The following TMEM63C variants were observed in gnomAD, a reference collection of about 807,000 sequenced individuals.
The protein encoded by TMEM63C is osmosensitive cation channel TMEM63C.
Under a neutral mutation model 99.2 loss-of-function variants are expected in TMEM63C, and 32 were observed. That is an observed-to-expected ratio of 0.32 (90% CI 0.24 to 0.43). TMEM63C has a LOEUF of 0.43. Ranked by LOEUF, TMEM63C falls within the 20% of genes least tolerant of loss-of-function variation. The pLI, the probability that TMEM63C is intolerant of heterozygous loss-of-function variation, is 1.00. For synonymous variants in TMEM63C, 376 were observed against 397.9 expected (o/e 0.94, Z 0.66); for missense variants, 826 against 1,053.0 (o/e 0.78, Z 2.98).
At chr14:77,243,169 G>A in intron 15 of TMEM63C, 113 bp downstream of exon 15, 2 of 1,286,540 alleles carry the variant, frequency 1.6e-6, no homozygotes, top group Non-Finnish European at 2.1e-6. Context: ...CCCATACAGT[G>A]CGAACATTGT....
rs191527362 is a variant in TMEM63C at position 77,253,248 on chromosome 14, G to A, written c.2149-57G>A. 4.2e-4 allele frequency: 647 copies of A among 1,532,054 alleles called. 4 individuals carry two copies. The African/African-American group carries it at 7.8e-3, about 18-fold the overall frequency. 94.9% of individuals were successfully genotyped at this position (1,532,054 alleles called of 1,614,324 possible). On this transcript the variant is annotated intron_variant, in intron 22 of 23. Transcript: ENST00000298351. ...GTGTGGAGTTGAGGCTCCTCTGGAT[G>A]AATGGGGAGGGGCAAAGAGCAGGCC...
intron 1 of TMEM63C, among the ~76,000 whole-genome samples, chr14:77,194,720 G>T (rs1289551174): frequency 6.9e-6 from 1 of 144,090 alleles, no homozygotes; most frequent in Non-Finnish European, 1.5e-5. Flanking sequence ...ACTACAGGCG[G>T]ACACCACCAC....
chr14:77,205,242 C>A (rs925596063), intron 1 of TMEM63C, among the ~76,000 whole-genome samples: 5 of 152,212 alleles, frequency 3.3e-5, no homozygotes, highest in African/African-American at 1.2e-4. Flanking sequence ...ACACCCAGGC[C>A]TTGCTGGCCA....
At chr14:77,242,593 C>T (rs1438578900) in intron 14 of TMEM63C, 124 bp downstream of exon 14, 5 of 1,304,284 alleles carry the variant, frequency 3.8e-6, no homozygotes, top group Non-Finnish European at 5.3e-6. Flanking sequence ...AAGTTCCATG[C>T]TCTCCTAAGC....
rs1888800954 is a variant in TMEM63C, at chr14:77,225,418, C to G, written c.313-6C>G. On this transcript the variant is annotated splice_polypyrimidine_tract_variant and splice_region_variant and intron_variant, in intron 5 of 23. Coordinates refer to ENST00000298351, the MANE Select transcript of TMEM63C (RefSeq NM_020431.4). ...TTTTCTCACAGTTTCTCTCCTTTCCCCGCAGGGATTCTGTTCCTGGTTCTT... is the reference window on the plus strand; with the variant it reads ...TTTTCTCACAGTTTCTCTCCTTTCCGCGCAGGGATTCTGTTCCTGGTTCTT... 2 of 1,612,964 alleles carry G rather than the reference C, an allele frequency of 1.2e-6. No individual in the cohort carries two copies. Among genetic ancestry groups the G allele is most frequent in the Non-Finnish European group, 1.7e-6 (2 of 1,179,532 alleles).
chr14:77,215,614 A>AAAAAAAAAAG lies in TMEM63C; in HGVS notation c.-14+2110_-14+2111insAAAAAGAAAA, dbSNP rs772701077. 1.5e-3 allele frequency among the ~76,000 whole-genome samples: 117 copies of AAAAAAAAAAG among 76,550 alleles called. 2 individuals are homozygous for AAAAAAAAAAG. Among genetic ancestry groups the AAAAAAAAAAG allele is most frequent in the African/African-American group, 6.1e-3 (109 of 17,856 alleles). 50.2% of individuals were successfully genotyped at this position (76,550 alleles called of 152,430 possible). A position where few individuals can be genotyped will look rare whatever the true frequency, so the allele number is the denominator to read the frequency against. On this transcript the variant is annotated intron_variant, in intron 2 of 23. Coordinates refer to ENST00000298351, the MANE Select transcript of TMEM63C (RefSeq NM_020431.4). ...AGACTCTGTCTCAAAAAAAAAAAAA[A>AAAAAAAAAAG]AAAAGAAAAGAAAAGAAAAAGAAAC...
At chr14:77,182,894 T>C (rs967649525) in intron 1 of TMEM63C, among the ~76,000 whole-genome samples, 2 of 152,104 alleles carry the variant, frequency 1.3e-5, no homozygotes, top group East Asian at 3.9e-4. Flanking sequence ...ATGAACTTTC[T>C]CCTTCAACAG....
chr14:77,244,545 C>T (rs1889236817), intron 16 of TMEM63C, 90 bp downstream of exon 16: 1 of 967,284 alleles, frequency 1.0e-6, no homozygotes, highest in Non-Finnish European at 1.6e-6. Flanking sequence ...CTTGGGCCTC[C>T]CCTCTAGCCT....
chr14:77,217,616 C>T (rs1366045140), intron 2 of TMEM63C, among the ~76,000 whole-genome samples: 3 of 152,226 alleles, frequency 2.0e-5, no homozygotes, highest in East Asian at 1.9e-4. Flanking sequence ...AGAACAACCA[C>T]CTTGCAGATA....
intron 1 of TMEM63C, among the ~76,000 whole-genome samples, chr14:77,189,245 G>A (rs1888059044): frequency 6.6e-6 from 1 of 151,150 alleles, no homozygotes; most frequent in African/African-American, 2.4e-5. Context: ...GAGTAGCTGG[G>A]ACTACAGATG....
rs542247242 is a variant in TMEM63C, at chr14:77,225,140, C to G, written c.313-284C>G. ...TGAAGGACAGACAGAGAGCAACAGA[C>G]GTTCACCCCAGAAGCAGTCACTTCT... On this transcript the variant is annotated intron_variant, in intron 5 of 23. Transcript: ENST00000298351. Among the ~76,000 whole-genome samples, 10 of 152,348 alleles carry G rather than the reference C, an allele frequency of 6.6e-5. No individual in the cohort carries two copies. The South Asian group carries it at 2.1e-3, about 32-fold the overall frequency.
chr14:77,202,455 C>G (rs1425912307), intron 1 of TMEM63C, among the ~76,000 whole-genome samples: 2 of 152,126 alleles, frequency 1.3e-5, no homozygotes, highest in Admixed American at 1.3e-4. Context: ...TCCTGGAGGC[C>G]AGAAGTCTGA....
intron 1 of TMEM63C, among the ~76,000 whole-genome samples, chr14:77,202,908 G>T (rs1262456050): frequency 6.7e-6 from 1 of 148,494 alleles, no homozygotes; most frequent in Non-Finnish European, 1.5e-5. Context: ...CTGAGCTCCT[G>T]AGAGGAGAGA....
chr14:77,246,138 A>C, intron 17 of TMEM63C, 112 bp downstream of exon 17: 1 of 842,898 alleles, frequency 1.2e-6, no homozygotes, highest in Non-Finnish European at 2.0e-6. Context: ...CACTCCTCAA[A>C]GACAGCCCCA....
chr14:77,222,165 T>A (rs1888734821), intron 5 of TMEM63C, among the ~76,000 whole-genome samples: 1 of 152,226 alleles, frequency 6.6e-6, no homozygotes, highest in African/African-American at 2.4e-5. Context: ...GATATTGTAG[T>A]CATTTGGGGT....
chr14:77,237,320 G>A (rs1387032458), intron 9 of TMEM63C, among the ~76,000 whole-genome samples: 1 of 152,030 alleles, frequency 6.6e-6, no homozygotes, highest in Non-Finnish European at 1.5e-5. Flanking sequence ...GCAGTCTCTC[G>A]GAGATCAGAG....
chr14:77,233,312 A>G, intron 7 of TMEM63C, 140 bp from the exon 8 acceptor site: 1 of 801,750 alleles, frequency 1.2e-6, no homozygotes, highest in Non-Finnish European at 2.0e-6. Context: ...AGTTGGGGAG[A>G]AGCTCTGGGG....
chr14:77,210,512 G>T (rs187455579), intron 1 of TMEM63C, among the ~76,000 whole-genome samples: 15 of 152,314 alleles, frequency 9.8e-5, no homozygotes, highest in African/African-American at 3.6e-4. Flanking sequence ...CAGCAGACAT[G>T]TCAGTGGTGA....
At chr14:77,206,252 G>C (rs1836637500) in intron 1 of TMEM63C, among the ~76,000 whole-genome samples, 1 of 152,120 alleles carries the variant, frequency 6.6e-6, no homozygotes, top group Non-Finnish European at 1.5e-5. Context: ...GGCAGGGCAG[G>C]GGGCTGGGGA....
Sources: allele counts gnomAD v4.1 joint callset (sites outside exome capture counted in the v4.1 genomes callset), GRCh38; gene constraint gnomAD v4.1.1; transcripts MANE v1.5; gene names NCBI Gene and HGNC (gene_info 2026-07-23, HGNC 2026-07-21).